Variants in PDE1C observed in about 807,000 individuals in gnomAD.
PDE1C encodes the protein dual specificity calcium/calmodulin-dependent 3',5'-cyclic nucleotide phosphodiesterase 1C.
In PDE1C, 62 loss-of-function variants were observed where a neutral mutation model predicts 93.1. The observed-to-expected ratio is 0.67, with a 90% CI of 0.54 to 0.82. The LOEUF (loss-of-function observed/expected upper bound fraction) is 0.82, where lower values mean the gene tolerates loss of function less well. PDE1C is among the 40% of genes least tolerant of loss of function. PDE1C has a pLI of 0.00. For synonymous variants in PDE1C, 325 were observed against 310.1 expected, an observed-to-expected ratio of 1.05 and a Z score of -0.50; for missense variants, 742 against 884.6, an observed-to-expected ratio of 0.84 and a Z score of 2.04.
intron 16 of PDE1C, chr7:31,789,902 A>T: frequency 9.2e-7 from 1 of 1,087,882 alleles, no homozygotes; most frequent in Non-Finnish European, 1.1e-6. Context: ...CATTCTCATC[A>T]GGCCAGACAG....
intron 2 of PDE1C, among the ~76,000 whole-genome samples, chr7:32,202,485 C>T (rs1280004015): frequency 1.3e-5 from 2 of 152,224 alleles, no homozygotes; most frequent in Non-Finnish European, 1.5e-5. Context: ...GAGTGGTGAG[C>T]ACTGGACTGG....
chr7:31,979,124 T>C (rs1812051222), intron 2 of PDE1C, among the ~76,000 whole-genome samples: 1 of 152,178 alleles, frequency 6.6e-6, no homozygotes, highest in South Asian at 2.1e-4. Context: ...AGAATCCCTC[T>C]TAATCCATCA....
At chr7:32,153,467 G>T (rs1384313445) in intron 3 of PDE1C, among the ~76,000 whole-genome samples, 1 of 152,166 alleles carries the variant, frequency 6.6e-6, no homozygotes, top group Non-Finnish European at 1.5e-5. Context: ...GGATGGAGAA[G>T]AATGAAGGAA....
At chr7:31,796,748 G>T (rs1054673826) in intron 16 of PDE1C, among the ~76,000 whole-genome samples, 1 of 151,650 alleles carries the variant, frequency 6.6e-6, no homozygotes, top group Non-Finnish European at 1.5e-5. Context: ...AACCAATTAC[G>T]TTGGGTTTAA....
chr7:32,326,374 C>T (rs1487798499), intron 1 of PDE1C, among the ~76,000 whole-genome samples: 2 of 152,062 alleles, frequency 1.3e-5, no homozygotes, highest in African/African-American at 2.4e-5. Context: ...AAGGGAATCA[C>T]ATGGAAAGAG....
chr7:32,375,319 G>A (rs913237032), intron 1 of PDE1C, among the ~76,000 whole-genome samples: 5 of 152,210 alleles, frequency 3.3e-5, no homozygotes, highest in African/African-American at 1.2e-4. Context: ...AATCCTATAG[G>A]TCAGCCTCCA....
chr7:31,829,120 T>C (rs1790064232), intron 11 of PDE1C, among the ~76,000 whole-genome samples: 1 of 152,148 alleles, frequency 6.6e-6, no homozygotes, highest in African/African-American at 2.4e-5. Context: ...GTCACCCTTC[T>C]TATAGTAGTG....
chr7:31,839,317 T>A (rs954503832), intron 9 of PDE1C, among the ~76,000 whole-genome samples: 6 of 151,172 alleles, frequency 4.0e-5, no homozygotes, highest in African/African-American at 1.2e-4. Flanking sequence ...CATATTATTT[T>A]AAAATATAAT....
chr7:31,655,478 T>A, the PDE1C span, among the ~76,000 whole-genome samples: 2 of 152,200 alleles, frequency 1.3e-5, no homozygotes, highest in Non-Finnish European at 2.9e-5. Flanking sequence ...AGCCACCATG[T>A]GGGTCATATT....
At chr7:31,968,275 A>T (rs2129044790) in intron 2 of PDE1C, among the ~76,000 whole-genome samples, 1 of 152,316 alleles carries the variant, frequency 6.6e-6, no homozygotes. Flanking sequence ...AGGATACAAA[A>T]TCAATGTGCA....
the PDE1C span, among the ~76,000 whole-genome samples, chr7:31,737,916 A>G: frequency 1.3e-5 from 2 of 152,130 alleles, no homozygotes; most frequent in African/African-American, 4.8e-5. Context: ...TGTTTGCCTC[A>G]AAGGACTGTT....
chr7:32,054,197 T>C (rs1793749095), intron 1 of PDE1C, among the ~76,000 whole-genome samples: 1 of 152,180 alleles, frequency 6.6e-6, no homozygotes, highest in South Asian at 2.1e-4. Context: ...CACAGCATGC[T>C]GAAACCTCTC....
chr7:31,633,510 A>C, the PDE1C span, among the ~76,000 whole-genome samples: 3 of 152,238 alleles, frequency 2.0e-5, no homozygotes, highest in Non-Finnish European at 4.4e-5. Context: ...GTTCTACAAA[A>C]CATTGAAAAT....
chr7:31,771,862 T>A (rs1262238463), intron 17 of PDE1C, among the ~76,000 whole-genome samples: 1 of 152,080 alleles, frequency 6.6e-6, no homozygotes, highest in East Asian at 1.9e-4. Context: ...GAGACCATCC[T>A]GGATAACATG....
intron 2 of PDE1C, among the ~76,000 whole-genome samples, chr7:31,977,517 T>C (rs1020464790): frequency 1.3e-5 from 2 of 152,208 alleles, no homozygotes; most frequent in South Asian, 2.1e-4. Context: ...GAATTTACTA[T>C]AGTTCTGCCT....
the PDE1C span, among the ~76,000 whole-genome samples, chr7:31,705,744 G>GC: frequency 4.2e-4 from 64 of 151,882 alleles, no homozygotes; most frequent in African/African-American, 1.5e-3. Flanking sequence ...GGACTGGAAG[G>GC]CGTCTCATTA....
intron 1 of PDE1C, among the ~76,000 whole-genome samples, chr7:32,361,565 C>G (rs73092198): frequency 0.062 from 9,511 of 152,270 alleles, 438 homozygotes; most frequent in South Asian, 0.21. Context: ...CACGCATGCC[C>G]ACCACTGGGC....
At chr7:31,677,603 G>T in the PDE1C span, among the ~76,000 whole-genome samples, 144 of 152,146 alleles carry the variant, frequency 9.5e-4, 1 homozygote, top group African/African-American at 3.4e-3. Flanking sequence ...ACTCATTCAT[G>T]TAAGAAAAAA....
At chr7:31,673,040 C>T in the PDE1C span, among the ~76,000 whole-genome samples, 1 of 152,160 alleles carries the variant, frequency 6.6e-6, no homozygotes, top group Admixed American at 6.5e-5. Context: ...ATGTAAGTTT[C>T]CTGAGGCCTC....
Sources: gnomAD v4.1 joint callset for allele counts (sites outside exome capture counted in the v4.1 genomes callset) on GRCh38, gnomAD v4.1.1 for gene constraint, MANE v1.5 for transcripts, NCBI Gene and HGNC (gene_info 2026-07-23, HGNC 2026-07-21) for gene names.